The following GABRB2 variants were observed in gnomAD, a reference collection of about 807,000 sequenced individuals.
GABRB2 encodes gamma-aminobutyric acid type A receptor subunit beta2.
In GABRB2, 16 loss-of-function variants were observed where a neutral mutation model predicts 54.7. The ratio of observed to expected loss-of-function variants is 0.29; its 90% CI spans 0.20 to 0.44. GABRB2 has a LOEUF of 0.44. Ranked by LOEUF, GABRB2 falls within the 20% of genes least tolerant of loss-of-function variation. The pLI is 1.00. For missense variants in GABRB2, 355 were observed against 644.0 expected (o/e 0.55, Z 4.86); for synonymous variants, 244 against 233.8 (o/e 1.04, Z -0.40).
intron 5 of GABRB2, among the ~76,000 whole-genome samples, chr5:161,408,668 T>G (rs1756415687): frequency 6.6e-6 from 1 of 151,664 alleles, no homozygotes; most frequent in African/African-American, 2.4e-5. Context: ...TAATTTTCAT[T>G]TGCCAGAGGG....
At position 161,496,346 on chromosome 5, in the gene GABRB2, A is replaced by G. The variant is rs1759245526; in HGVS notation, c.238-36502T>C. Among the ~76,000 whole-genome samples, 5 of 152,104 alleles carry G rather than the reference A, an allele frequency of 3.3e-5. No individual in the cohort carries two copies. In the South Asian group the frequency reaches 1.0e-3, roughly 31 times the overall value. On this transcript the variant is annotated intron_variant, in intron 3 of 9. Coordinates refer to ENST00000393959, the MANE Select transcript of GABRB2 (RefSeq NM_001371727.1). ...ATTATTTTGATTCATTTTTTAATTT[A>G]TTTAGTCTCTAGTTAAGATTATTTT...
chr5:161,529,499 G>T (rs1760392209), intron 3 of GABRB2, among the ~76,000 whole-genome samples: 1 of 152,092 alleles, frequency 6.6e-6, no homozygotes, highest in Admixed American at 6.6e-5. Context: ...TAGGAGGTTT[G>T]TATTGTCTTG....
chr5:161,499,561 G>A (rs1235384166), intron 3 of GABRB2, among the ~76,000 whole-genome samples: 2 of 152,066 alleles, frequency 1.3e-5, no homozygotes, highest in Non-Finnish European at 2.9e-5. Flanking sequence ...CAGAACCTCT[G>A]GATATCACCA....
intron 3 of GABRB2, among the ~76,000 whole-genome samples, chr5:161,462,539 T>C (rs1288539818): frequency 2.6e-5 from 4 of 152,164 alleles, no homozygotes; most frequent in Non-Finnish European, 5.9e-5. Context: ...TAAGCCCTCT[T>C]GAGAGTTAGG....
intron 5 of GABRB2, among the ~76,000 whole-genome samples, chr5:161,356,980 A>G (rs1471963922): frequency 6.6e-6 from 1 of 152,224 alleles, no homozygotes; most frequent in Admixed American, 6.5e-5. Context: ...GTCAAAACAA[A>G]AACAAAAACC....
chr5:161,535,727 A>C (rs1482098242), intron 3 of GABRB2, among the ~76,000 whole-genome samples: 1 of 152,214 alleles, frequency 6.6e-6, no homozygotes, highest in African/African-American at 2.4e-5. Flanking sequence ...CACAAGTTAA[A>C]AACTCAATAC....
chr5:161,546,289 T>C (rs1760984527), intron 2 of GABRB2, 33 bp downstream of exon 2: 1 of 1,565,954 alleles, frequency 6.4e-7, no homozygotes, highest in Non-Finnish European at 8.8e-7. Context: ...GCTTCGGCTG[T>C]GGCTGGACTT....
At chr5:161,469,268 A>G (rs1758367065) in intron 3 of GABRB2, among the ~76,000 whole-genome samples, 1 of 151,964 alleles carries the variant, frequency 6.6e-6, no homozygotes, top group South Asian at 2.1e-4. Context: ...CTTTATGCAT[A>G]TTTCAGAGGT....
intron 3 of GABRB2, among the ~76,000 whole-genome samples, chr5:161,496,956 C>T (rs186542716): frequency 2.0e-5 from 3 of 152,216 alleles, no homozygotes; most frequent in Admixed American, 2.0e-4. Flanking sequence ...GGCTGTATTT[C>T]CCATCAAACT....
chr5:161,371,550 C>G (rs1393996115), intron 5 of GABRB2, among the ~76,000 whole-genome samples: 1 of 152,122 alleles, frequency 6.6e-6, no homozygotes, highest in Non-Finnish European at 1.5e-5. Context: ...GAGCCTTATT[C>G]TAGAGCTGGT....
In GABRB2 at chr5:161,326,114, A is replaced by G. The variant is rs138569742; in HGVS notation, c.1191+254T>C. On this transcript the variant is annotated intron_variant, in intron 9 of 9. Coordinates refer to ENST00000393959, the MANE Select transcript of GABRB2 (RefSeq NM_001371727.1). ...AGGATTCTCAAAATACGATCCATTT[A>G]ATTTCTTTCCCTAACACAACAACAA... 0.015 allele frequency among the ~76,000 whole-genome samples: 2,315 copies of G among 152,280 alleles called. 32 individuals are homozygous for G. Among genetic ancestry groups the G allele is most frequent in the South Asian group, 0.032 (154 of 4,820 alleles).
At chr5:161,487,031 C>T (rs1758945875) in intron 3 of GABRB2, among the ~76,000 whole-genome samples, 1 of 151,874 alleles carries the variant, frequency 6.6e-6, no homozygotes, top group South Asian at 2.1e-4. Context: ...TTACAAGTTC[C>T]TTATTCCATA....
intron 4 of GABRB2, among the ~76,000 whole-genome samples, chr5:161,425,048 C>T (rs987725272): frequency 2.6e-5 from 4 of 152,106 alleles, no homozygotes; most frequent in African/African-American, 7.2e-5. Flanking sequence ...TGAATTTATG[C>T]AACCTCATGA....
chr5:161,528,823 A>G (rs1012691817), intron 3 of GABRB2, among the ~76,000 whole-genome samples: 2 of 151,832 alleles, frequency 1.3e-5, no homozygotes, highest in African/African-American at 4.8e-5. Flanking sequence ...ACTTTTTTGA[A>G]CAACAGATTA....
intron 3 of GABRB2, among the ~76,000 whole-genome samples, chr5:161,465,940 C>T (rs1044099831): frequency 6.6e-6 from 1 of 152,010 alleles, no homozygotes; most frequent in Non-Finnish European, 1.5e-5. Flanking sequence ...GACCTTATTA[C>T]ACTATCTCTC....
At chr5:161,421,629 T>C (rs1423247214) in intron 4 of GABRB2, among the ~76,000 whole-genome samples, 2 of 152,164 alleles carry the variant, frequency 1.3e-5, no homozygotes, top group Non-Finnish European at 2.9e-5. Flanking sequence ...AGAGGGTCCT[T>C]TGGTGTCGGC....
At chr5:161,442,837 T>A (rs977738541) in intron 4 of GABRB2, among the ~76,000 whole-genome samples, 4 of 152,120 alleles carry the variant, frequency 2.6e-5, no homozygotes. Context: ...CAGATGGTGC[T>A]ACCCAAAGAC....
At chr5:161,517,141 T>A (rs1334191092) in intron 3 of GABRB2, among the ~76,000 whole-genome samples, 1 of 152,116 alleles carries the variant, frequency 6.6e-6, no homozygotes, top group Non-Finnish European at 1.5e-5. Flanking sequence ...TATAGAATAT[T>A]CATTAGGTGT....
intron 4 of GABRB2, among the ~76,000 whole-genome samples, chr5:161,426,130 G>A (rs1244521980): frequency 2.0e-5 from 3 of 152,180 alleles, no homozygotes; most frequent in Non-Finnish European, 2.9e-5. Flanking sequence ...CACAGGCACC[G>A]AGGGCAAGAA....
Sources: gnomAD v4.1 joint callset for allele counts (sites outside exome capture counted in the v4.1 genomes callset) on GRCh38, gnomAD v4.1.1 for gene constraint, MANE v1.5 for transcripts, NCBI Gene and HGNC (gene_info 2026-07-23, HGNC 2026-07-21) for gene names.